Variants in BPNT1 observed in about 807,000 individuals in gnomAD.
BPNT1 encodes 3'(2'),5'-bisphosphate nucleotidase 1.
Under a neutral mutation model 36.9 loss-of-function variants are expected in BPNT1, and 28 were observed. The observed-to-expected ratio is 0.76, with a 90% CI of 0.56 to 1.04. The LOEUF is 1.04. Among genes scored for constraint, BPNT1 ranks in the 50% least tolerant of loss-of-function variants. The pLI, the probability that BPNT1 is intolerant of heterozygous loss-of-function variation, is 0.00. For missense variants in BPNT1, 313 were observed against 372.9 expected (o/e 0.84, Z 1.32); for synonymous variants, 119 against 130.9 (o/e 0.91, Z 0.62).
intron 7 of BPNT1, among the ~76,000 whole-genome samples, chr1:220,062,424 G>C (rs927961583): frequency 6.6e-6 from 1 of 151,850 alleles, no homozygotes; most frequent in Non-Finnish European, 1.5e-5. Context: ...ATAGTTTACT[G>C]AGAATGATGA....
At chr1:220,061,740 C>T (rs937475711) in intron 7 of BPNT1, among the ~76,000 whole-genome samples, 3 of 151,784 alleles carry the variant, frequency 2.0e-5, no homozygotes, top group East Asian at 1.9e-4. Flanking sequence ...AAATTGGACA[C>T]GCTAAATTTG....
chr1:220,081,182 C>G (rs554303767), intron 1 of BPNT1, among the ~76,000 whole-genome samples: 10 of 152,318 alleles, frequency 6.6e-5, no homozygotes, highest in South Asian at 4.1e-4. Context: ...TGATCCCCCC[C>G]CTTGGCCTCC....
At chr1:220,082,915 G>A (rs964374402) in intron 1 of BPNT1, among the ~76,000 whole-genome samples, 1 of 152,128 alleles carries the variant, frequency 6.6e-6, no homozygotes, top group African/African-American at 2.4e-5. Flanking sequence ...AATAAGTGAA[G>A]TGTTTGAAAC....
Position 220,058,394 on chromosome 1 carries a change from A to G in BPNT1, c.*450T>C. 4 of 964,580 alleles carry G rather than the reference A, an allele frequency of 4.1e-6. No individual in the cohort carries two copies. Among genetic ancestry groups the G allele is most frequent in the Non-Finnish European group, 4.9e-6 (4 of 810,076 alleles). 59.8% of individuals were successfully genotyped at this position (964,580 alleles called of 1,614,324 possible). ...TCTATTTTCTATTCCTAAATATAAT[A>G]ACTAAATATAAATCACTGCTCAACA... On this transcript the variant is annotated 3_prime_UTR_variant, in exon 9 of 9. Coordinates refer to ENST00000322067, the MANE Select transcript of BPNT1 (RefSeq NM_006085.6).
intron 2 of BPNT1, among the ~76,000 whole-genome samples, chr1:220,074,947 C>T (rs1007226363): frequency 6.6e-6 from 1 of 152,130 alleles, no homozygotes; most frequent in African/African-American, 2.4e-5. Context: ...CCACAACCTC[C>T]TTTGTTAGTT....
In BPNT1 at chr1:220,077,078, G is replaced by C. The variant is rs184573988; in HGVS notation, c.120+2649C>G. 1.9e-3 allele frequency among the ~76,000 whole-genome samples: 296 copies of C among 152,222 alleles called. 2 individuals carry two copies. Among genetic ancestry groups the C allele is most frequent in the African/African-American group, 6.9e-3 (288 of 41,512 alleles). On this transcript the variant is annotated intron_variant, in intron 2 of 8. Transcript: ENST00000322067. ...AACTGTATGTTATTTAATGATTAAAGAGAACAGTACAATGTCAGGAGCAGA... is the reference window on the plus strand; with the variant it reads ...AACTGTATGTTATTTAATGATTAAACAGAACAGTACAATGTCAGGAGCAGA...
In BPNT1 at chr1:220,058,594, C is replaced by T. The variant is rs1019037872; in HGVS notation, c.*250G>A. The T allele has an allele frequency of 1.0e-4, 88 of 842,788 alleles. No individual in the cohort carries two copies. The highest frequency in any genetic ancestry group is 3.5e-4 in the Admixed American group (8 of 22,894). 52.2% of individuals were successfully genotyped at this position (842,788 alleles called of 1,614,324 possible). On this transcript the variant is annotated 3_prime_UTR_variant, in exon 9 of 9. Transcript: ENST00000322067. ...TCACTCAGGCTGGAGTGCAGTGGCA[C>T]GATCTCAGCTCACTGCAACCTCTGC...
At chr1:220,080,929 A>G (rs1189195618) in intron 1 of BPNT1, among the ~76,000 whole-genome samples, 1 of 152,206 alleles carries the variant, frequency 6.6e-6, no homozygotes, top group Non-Finnish European at 1.5e-5. Flanking sequence ...GCGCCAATGA[A>G]ATAAACGGAA....
At position 220,058,161 on chromosome 1, in the gene BPNT1, G is replaced by C. The variant is rs921810276; in HGVS notation, c.*683C>G. On this transcript the variant is annotated 3_prime_UTR_variant, in exon 9 of 9. Coordinates refer to ENST00000322067, the MANE Select transcript of BPNT1 (RefSeq NM_006085.6). ...ACTACATTCTAGCCTAGGCTACAGA[G>C]CGAGACTCCGTCTCAGGAAAAAAAA... is the stretch of plus-strand genomic sequence containing the variant. 9.3e-6 allele frequency: 9 copies of C among 971,548 alleles called. No homozygotes were observed. The highest frequency in any genetic ancestry group is 8.6e-6 in the Non-Finnish European group (7 of 810,700). The allele number at this position is 971,548 out of a possible 1,614,324, so 60.2% of individuals were successfully genotyped here.
chr1:220,077,297 C>T (rs1664637850), intron 2 of BPNT1, among the ~76,000 whole-genome samples: 1 of 151,964 alleles, frequency 6.6e-6, no homozygotes, highest in African/African-American at 2.4e-5. Flanking sequence ...AAATGTTTTG[C>T]TTAAATCAAG....
chr1:220,062,112 CTT>C (rs907964983), intron 7 of BPNT1, among the ~76,000 whole-genome samples: 14 of 149,570 alleles, frequency 9.4e-5, no homozygotes, highest in African/African-American at 2.7e-4. Flanking sequence ...AAATTATAGT[CTT>C]TACTCCCATC....
At chr1:220,068,328 C>T (rs926484789) in intron 5 of BPNT1, among the ~76,000 whole-genome samples, 11 of 151,962 alleles carry the variant, frequency 7.2e-5, no homozygotes, top group East Asian at 3.9e-4. Context: ...GGATTACAGA[C>T]GTGTGCCACC....
chr1:220,077,089 A>G (rs1664619924), intron 2 of BPNT1, among the ~76,000 whole-genome samples: 1 of 152,202 alleles, frequency 6.6e-6, no homozygotes, highest in South Asian at 2.1e-4. Flanking sequence ...AGAACAGTAC[A>G]ATGTCAGGAG....
At position 220,058,482 on chromosome 1, in the gene BPNT1, A is replaced by G; in HGVS notation, c.*362T>C. 1.0e-6 allele frequency: 1 copy of G among 986,626 alleles called. No homozygotes were observed. Among genetic ancestry groups the G allele is most frequent in the Middle Eastern group, 5.2e-4 (1 of 1,912 alleles). 61.1% of individuals were successfully genotyped at this position (986,626 alleles called of 1,614,324 possible). A position where few individuals can be genotyped will look rare whatever the true frequency, so the allele number is the denominator to read the frequency against. ...CTTAAAATGTATTATTTTGAGAACC[A>G]AGTCTTTCTCCTAGCTAAGTAAATG... On this transcript the variant is annotated 3_prime_UTR_variant, in exon 9 of 9. Coordinates refer to ENST00000322067, the MANE Select transcript of BPNT1 (RefSeq NM_006085.6).
chr1:220,082,660 C>T (rs562353741), intron 1 of BPNT1, among the ~76,000 whole-genome samples: 50 of 151,942 alleles, frequency 3.3e-4, no homozygotes, highest in African/African-American at 1.2e-3. Flanking sequence ...AATCTTGGCT[C>T]GCTGCAACCT....
chr1:220,058,838 T>C lies in BPNT1; in HGVS notation c.*6A>G. 1 of 1,613,840 alleles carries C rather than the reference T, an allele frequency of 6.2e-7. No homozygotes were observed. Among genetic ancestry groups the C allele is most frequent in the Non-Finnish European group, 8.5e-7 (1 of 1,179,808 alleles). On this transcript the variant is annotated 3_prime_UTR_variant, in exon 9 of 9. Transcript: ENST00000322067. ...GCCACCGCGCCCGGCCAAATGAAAC[T>C]TTCCTTTAAGGAACAAGTGCATTTT...
chr1:220,076,183 A>G (rs1158704036), intron 2 of BPNT1, among the ~76,000 whole-genome samples: 1 of 151,968 alleles, frequency 6.6e-6, no homozygotes, highest in Non-Finnish European at 1.5e-5. Flanking sequence ...CCTGACCAAC[A>G]TGGAGAAACC....
chr1:220,079,168 C>T (rs551169557), intron 2 of BPNT1, among the ~76,000 whole-genome samples: 23 of 152,098 alleles, frequency 1.5e-4, no homozygotes, highest in African/African-American at 5.1e-4. Context: ...ATTTGAAGCT[C>T]GGTTACAATG....
intron 1 of BPNT1, among the ~76,000 whole-genome samples, chr1:220,087,242 A>G (rs910410083): frequency 1.3e-5 from 2 of 152,132 alleles, no homozygotes; most frequent in Non-Finnish European, 2.9e-5. Flanking sequence ...AATCCATAAA[A>G]TATTCTATTG....
Sources: gnomAD v4.1 joint callset for allele counts (sites outside exome capture counted in the v4.1 genomes callset) on GRCh38, gnomAD v4.1.1 for gene constraint, MANE v1.5 for transcripts, NCBI Gene and HGNC (gene_info 2026-07-23, HGNC 2026-07-21) for gene names.